Variants in UBE2O observed in about 807,000 individuals in gnomAD.
The protein encoded by UBE2O is (E3-independent) E2 ubiquitin-conjugating enzyme.
A neutral mutation model predicts 125.8 loss-of-function variants in UBE2O; 15 were observed. That is an observed-to-expected ratio of 0.12 (90% CI 0.08 to 0.18). UBE2O has a LOEUF of 0.18. UBE2O is among the 10% of genes least tolerant of loss of function. The pLI, the probability that UBE2O is intolerant of heterozygous loss-of-function variation, is 1.00. For missense variants in UBE2O, 1,280 were observed against 1,723.6 expected (o/e 0.74, Z 4.56); for synonymous variants, 708 against 703.2 (o/e 1.01, Z -0.11).
intron 1 of UBE2O, among the ~76,000 whole-genome samples, chr17:76,407,390 G>A (rs932056941): frequency 2.6e-5 from 4 of 152,162 alleles, no homozygotes; most frequent in Non-Finnish European, 5.9e-5. Flanking sequence ...TCTGAGATAC[G>A]GCATTTTTTT....
chr17:76,444,957 A>C (rs2073129892), intron 1 of UBE2O, among the ~76,000 whole-genome samples: 1 of 152,184 alleles, frequency 6.6e-6, no homozygotes, highest in African/African-American at 2.4e-5. Flanking sequence ...CCACACACAC[A>C]GTCCGGTGAC....
chr17:76,402,026 A>G lies in UBE2O; in HGVS notation c.750+38T>C. ...AAGTCCTCCTTCCAGAGGACTGAGC[A>G]ATCAGAGAAGGGTGCTGGCCTGGAT... On this transcript the variant is annotated intron_variant, in intron 5 of 17. Coordinates refer to ENST00000319380, the MANE Select transcript of UBE2O (RefSeq NM_022066.4). This position sits in a 1 kb window ranked among gnomAD's most constrained non-coding sequence, Gnocchi z 5.4. 6.2e-7 allele frequency: 1 copy of G among 1,607,048 alleles called. No individual in the cohort carries two copies. The highest frequency in any genetic ancestry group is 8.5e-7 in the Non-Finnish European group (1 of 1,176,342).
rs768104087 is a variant in UBE2O at position 76,402,091 on chromosome 17, G to A, written c.723C>T (p.Tyr241=). The change falls in exon 5 of 18, where the codon TAC becomes TAT. Residue 241 remains tyrosine, a synonymous_variant. Transcript: ENST00000319380. This position sits in a 1 kb window ranked among gnomAD's most constrained non-coding sequence, Gnocchi z 5.4. ...AGTCGCTGACGTGCGGGCAGACGTC[G>A]TAGAGCTTGGCGCCATCTTCCGTGT... ...SMNTEDGAKL[Y]DVCPHVSDSG... 47 of 1,613,594 alleles carry A rather than the reference G, an allele frequency of 2.9e-5. No individual in the cohort carries two copies. The highest frequency in any genetic ancestry group is 1.6e-4 in the Middle Eastern group (1 of 6,084).
rs1427068868 is a variant in UBE2O, at chr17:76,396,182, C to T, written c.2755G>A (p.Val919Ile). Residue 919 changes from valine (V) to isoleucine (I), a missense_variant, in exon 14 of 18, where the codon GTC becomes ATC. This residue lies in a region of UBE2O where 116 missense variants were observed against 154.8 expected (regional missense o/e 0.75). Transcript: ENST00000319380. The surrounding 1 kb of genome is among the most constrained non-coding windows in gnomAD (Gnocchi z 6.7). Reference sequence around the variant, plus strand: ...TCGCCCTTGGCGCTGGTGAAGGTGACGCCAGGCTTGCCGCCACACTGCTGG... The same window carrying T: ...TCGCCCTTGGCGCTGGTGAAGGTGATGCCAGGCTTGCCGCCACACTGCTGG... The part of the protein sequence containing the change: ...LCQQCGGKPG[V>I]TFTSAKGEVF... 3.7e-6 allele frequency: 6 copies of T among 1,613,756 alleles called. No homozygotes were observed. Among genetic ancestry groups the T allele is most frequent in the Non-Finnish European group, 5.1e-6 (6 of 1,179,886 alleles).
intron 1 of UBE2O, among the ~76,000 whole-genome samples, chr17:76,419,106 A>G (rs908810182): frequency 7.0e-6 from 1 of 143,872 alleles, no homozygotes; most frequent in African/African-American, 2.6e-5. Context: ...CAACCTAGTG[A>G]GACCCTATCT....
In UBE2O at chr17:76,425,222, C is replaced by A. The variant is rs535932594; in HGVS notation, c.418-19650G>T. Among the ~76,000 whole-genome samples the A allele has an allele frequency of 3.9e-4, 21 of 54,140 alleles. No homozygotes were observed. In the East Asian group the frequency reaches 4.2e-3, roughly 11 times the overall value. 35.5% of individuals were successfully genotyped at this position (54,140 alleles called of 152,430 possible). Reference sequence around the variant, plus strand: ...ATGTGGTCACTTCTCAAGGTCCTTTCGACAAAAAAAAAAAAAAAAAAAAAA... The same window carrying A: ...ATGTGGTCACTTCTCAAGGTCCTTTAGACAAAAAAAAAAAAAAAAAAAAAA... On this transcript the variant is annotated intron_variant, in intron 1 of 17. Coordinates refer to ENST00000319380, the MANE Select transcript of UBE2O (RefSeq NM_022066.4).
chr17:76,392,740 G>T (rs557837992), intron 15 of UBE2O, among the ~76,000 whole-genome samples: 61 of 152,168 alleles, frequency 4.0e-4, no homozygotes, highest in African/African-American at 1.2e-3. Context: ...ATCACTTAAG[G>T]TCAGGAGTTC....
chr17:76,401,794 T>G (rs1006934440), intron 5 of UBE2O: 4 of 259,960 alleles, frequency 1.5e-5, no homozygotes, highest in South Asian at 2.0e-4. Flanking sequence ...AAGAATCACT[T>G]GAACCCGGGA....
Position 76,413,906 on chromosome 17 carries a change from T to C in UBE2O, c.418-8334A>G, listed in dbSNP as rs556621595. On this transcript the variant is annotated intron_variant, in intron 1 of 17. Transcript: ENST00000319380. ...AGGAGAGGCAGAAAATGGGGCCTCC[T>C]GTTGGAGCTGGACTCCTCTTCCAGC... Among the ~76,000 whole-genome samples, 12 of 152,372 alleles carry C rather than the reference T, an allele frequency of 7.9e-5. No homozygotes were observed. In the East Asian group the frequency reaches 2.1e-3, roughly 27 times the overall value.
At chr17:76,425,331 G>A (rs2072794730) in intron 1 of UBE2O, among the ~76,000 whole-genome samples, 1 of 147,922 alleles carries the variant, frequency 6.8e-6, no homozygotes, top group East Asian at 2.0e-4. Context: ...TAATAGTTTA[G>A]CTTAATTGTA....
chr17:76,409,630 A>C (rs750312229), intron 1 of UBE2O, among the ~76,000 whole-genome samples: 1 of 149,696 alleles, frequency 6.7e-6, no homozygotes, highest in Non-Finnish European at 1.5e-5. Flanking sequence ...TCCTGACCCC[A>C]TGACCTGCCC....
chr17:76,413,587 A>G (rs2143768306), intron 1 of UBE2O, among the ~76,000 whole-genome samples: 1 of 152,318 alleles, frequency 6.6e-6, no homozygotes, highest in Admixed American at 6.5e-5. Flanking sequence ...GGGTCATGAT[A>G]TAAAATGTGT....
chr17:76,392,009 G>C lies in UBE2O; in HGVS notation c.3051C>G (p.Pro1017=). ...QLPNIYPAVP[P]HFCYLSQCSG... is the part of the protein sequence containing the mutation. ...TGCATTGGGAGAGGTAGCAGAAGTG[G>C]GGGGGCACGGCTGGGTAGATGTTGG... The change falls in exon 16 of 18, where the codon CCC becomes CCG. Residue 1017 remains proline, a synonymous_variant. Transcript: ENST00000319380. 6.3e-7 allele frequency: 1 copy of C among 1,597,724 alleles called. No individual in the cohort carries two copies. The highest frequency in any genetic ancestry group is 1.3e-5 in the African/African-American group (1 of 74,158).
At chr17:76,419,009 C>T (rs2072663051) in intron 1 of UBE2O, among the ~76,000 whole-genome samples, 1 of 152,038 alleles carries the variant, frequency 6.6e-6, no homozygotes, top group African/African-American at 2.4e-5. Flanking sequence ...TTCTGACTGC[C>T]ACGGTGACTC....
chr17:76,392,856 G>A (rs947098748), intron 15 of UBE2O, among the ~76,000 whole-genome samples: 3 of 151,996 alleles, frequency 2.0e-5, no homozygotes, highest in African/African-American at 7.2e-5. Flanking sequence ...GGGAGGCTGA[G>A]GTGGGAGAAT....
At chr17:76,419,012 G>A (rs534483689) in intron 1 of UBE2O, among the ~76,000 whole-genome samples, 1 of 152,008 alleles carries the variant, frequency 6.6e-6, no homozygotes, top group Non-Finnish European at 1.5e-5. Flanking sequence ...TGACTGCCAC[G>A]GTGACTCGCG....
At position 76,400,063 on chromosome 17, in the gene UBE2O, A is replaced by C; in HGVS notation, c.1155+84T>G. ...ATCAGGGCTGCCCCCCAAGGCCTAAAGCACAGACTGTCCTTCTTGGCCATG... is the reference window on the plus strand; with the variant it reads ...ATCAGGGCTGCCCCCCAAGGCCTAACGCACAGACTGTCCTTCTTGGCCATG... On this transcript the variant is annotated intron_variant, in intron 8 of 17. Transcript: ENST00000319380. This position sits in a 1 kb window ranked among gnomAD's most constrained non-coding sequence, Gnocchi z 4.3. 2.6e-6 allele frequency: 4 copies of C among 1,556,844 alleles called. No homozygotes were observed. Among genetic ancestry groups the C allele is most frequent in the Non-Finnish European group, 3.5e-6 (4 of 1,149,424 alleles).
chr17:76,409,421 G>C (rs1323732204), intron 1 of UBE2O, among the ~76,000 whole-genome samples: 1 of 150,972 alleles, frequency 6.6e-6, no homozygotes, highest in Admixed American at 6.6e-5. Flanking sequence ...TTTTGAGACA[G>C]AGTCTCGCTT....
At chr17:76,442,663 G>T (rs1331942707) in intron 1 of UBE2O, among the ~76,000 whole-genome samples, 1 of 152,206 alleles carries the variant, frequency 6.6e-6, no homozygotes, top group Non-Finnish European at 1.5e-5. Context: ...AGATTGGCTG[G>T]AATCAACTGA....
Sources: gnomAD v4.1 joint callset for allele counts (sites outside exome capture counted in the v4.1 genomes callset) on GRCh38, gnomAD v4.1.1 for gene constraint, gnomAD v4.1.1 regional missense constraint, Gnocchi (gnomAD v3.1) non-coding constraint, MANE v1.5 for transcripts, NCBI Gene and HGNC (gene_info 2026-07-23, HGNC 2026-07-21) for gene names.